USP45: variants seen among roughly 807,000 people sequenced by gnomAD.
The protein encoded by USP45 is ubiquitin carboxyl-terminal hydrolase 45.
Under a neutral mutation model 95.8 loss-of-function variants are expected in USP45, and 89 were observed. The ratio of observed to expected loss-of-function variants is 0.93; its 90% CI spans 0.78 to 1.11. The LOEUF is 1.11. Ranked by LOEUF, USP45 falls within the 50% of genes least tolerant of loss-of-function variation. The pLI is 0.00. For missense variants in USP45, 898 were observed against 942.5 expected (o/e 0.95, Z 0.62); for synonymous variants, 281 against 316.2 (o/e 0.89, Z 1.18).
intron 7 of USP45, among the ~76,000 whole-genome samples, chr6:99,483,614 G>A (rs1284781683): frequency 6.6e-6 from 1 of 151,800 alleles, no homozygotes; most frequent in African/African-American, 2.4e-5. Context: ...CGAGGCGGGT[G>A]GATCATGAGG....
intron 1 of USP45, among the ~76,000 whole-genome samples, chr6:99,513,911 T>C (rs1015531446): frequency 4.6e-5 from 7 of 152,238 alleles, no homozygotes. Context: ...CTGGGAAGGA[T>C]GGGAGTGGGG....
chr6:99,447,505 T>C (rs1782788949), intron 13 of USP45, among the ~76,000 whole-genome samples: 1 of 152,152 alleles, frequency 6.6e-6, no homozygotes, highest in South Asian at 2.1e-4. Flanking sequence ...TTTCCTATTA[T>C]ACATATAATA....
At chr6:99,440,340 CAGTAAA>C (rs1438773069) in intron 15 of USP45, among the ~76,000 whole-genome samples, 1 of 152,142 alleles carries the variant, frequency 6.6e-6, no homozygotes, top group Non-Finnish European at 1.5e-5. Flanking sequence ...AACATTTTAT[CAGTAAA>C]AGTAAATGCT....
intron 5 of USP45, among the ~76,000 whole-genome samples, chr6:99,494,306 G>A (rs964976539): frequency 6.6e-6 from 1 of 152,104 alleles, no homozygotes; most frequent in African/African-American, 2.4e-5. Flanking sequence ...AACATTGAGA[G>A]CACACTTTCG....
At chr6:99,480,929 CAAAA>C (rs202203152) in intron 8 of USP45, among the ~76,000 whole-genome samples, 12 of 151,592 alleles carry the variant, frequency 7.9e-5, no homozygotes, top group Non-Finnish European at 1.6e-4. Flanking sequence ...ATAAAACAAA[CAAAA>C]AAAAGGCAAT....
At chr6:99,501,910 G>C in intron 5 of USP45, 1 of 1,283,194 alleles carries the variant, frequency 7.8e-7, no homozygotes, top group South Asian at 1.3e-5. Context: ...TTCATGATGG[G>C]TCCCTCAGGC....
intron 13 of USP45, among the ~76,000 whole-genome samples, chr6:99,455,819 TAAAAA>T (rs35285232): frequency 4.5e-5 from 2 of 44,338 alleles, no homozygotes; most frequent in Non-Finnish European, 7.4e-5. Flanking sequence ...ATGTGAGAGC[TAAAAA>T]AAAAAAAAAA....
chr6:99,434,125 C>A lies in USP45; in HGVS notation c.*1591G>T, dbSNP rs772794106. On this transcript the variant is annotated 3_prime_UTR_variant, in exon 18 of 18. Coordinates refer to ENST00000500704, the MANE Select transcript of USP45 (RefSeq NM_001346022.3). ...TCACTGTTAAAAATCAAGAAAAACACTACTAACATTTCAACATCTTAAAAA... is the reference window on the plus strand; with the variant it reads ...TCACTGTTAAAAATCAAGAAAAACAATACTAACATTTCAACATCTTAAAAA... 10 of 152,198 alleles carry A rather than the reference C, an allele frequency of 6.6e-5. No individual in the cohort carries two copies. Among genetic ancestry groups the A allele is most frequent in the Non-Finnish European group, 1.2e-4 (8 of 68,024 alleles). The allele number at this position is 152,198 out of a possible 1,614,324, so 9.4% of individuals were successfully genotyped here.
chr6:99,453,738 C>T (rs544794416), intron 13 of USP45, among the ~76,000 whole-genome samples: 21 of 152,058 alleles, frequency 1.4e-4, no homozygotes, highest in Non-Finnish European at 2.9e-4. Context: ...GTAGATAGAT[C>T]AACTAAGGCC....
intron 9 of USP45, among the ~76,000 whole-genome samples, chr6:99,474,004 G>A (rs1319498866): frequency 6.6e-6 from 1 of 152,120 alleles, no homozygotes; most frequent in Non-Finnish European, 1.5e-5. Flanking sequence ...AATTCAATTA[G>A]CTTAATAAGA....
chr6:99,437,918 A>G (rs1780808260), intron 16 of USP45, among the ~76,000 whole-genome samples: 1 of 152,150 alleles, frequency 6.6e-6, no homozygotes, highest in African/African-American at 2.4e-5. Context: ...TTGGCCTCCC[A>G]AAGCGCTGGG....
chr6:99,517,012 A>C (rs527603941), upstream of USP45, among the ~76,000 whole-genome samples: 2 of 152,210 alleles, frequency 1.3e-5, no homozygotes, highest in Admixed American at 1.3e-4. Context: ...ATTCAAAGCT[A>C]TCTTGATTTC....
intron 7 of USP45, among the ~76,000 whole-genome samples, chr6:99,486,206 G>A (rs1385555313): frequency 5.3e-5 from 8 of 152,076 alleles, no homozygotes; most frequent in African/African-American, 1.9e-4. Context: ...GTGATTCAAA[G>A]GGCAGTAACC....
intron 4 of USP45, among the ~76,000 whole-genome samples, chr6:99,506,716 G>C (rs958513656): frequency 1.3e-5 from 2 of 152,250 alleles, no homozygotes; most frequent in Non-Finnish European, 2.9e-5. Flanking sequence ...TCTCAACCAG[G>C]ATTAAACAGC....
rs545050524 is a variant in USP45 at position 99,475,528 on chromosome 6, C to T, written c.933+615G>A. ...ACAGGGTTTCAGCATGTTTCCCAGG[C>T]TGATCTTGAACTCCTGACCTCAGGT... On this transcript the variant is annotated intron_variant, in intron 9 of 17. Coordinates refer to ENST00000500704, the MANE Select transcript of USP45 (RefSeq NM_001346022.3). Among the ~76,000 whole-genome samples, 3 of 152,134 alleles carry T rather than the reference C, an allele frequency of 2.0e-5. No homozygotes were observed. The South Asian group carries it at 6.2e-4, about 32-fold the overall frequency.
intron 13 of USP45, among the ~76,000 whole-genome samples, chr6:99,459,866 G>A (rs546203102): frequency 2.6e-5 from 4 of 152,134 alleles, no homozygotes; most frequent in Non-Finnish European, 5.9e-5. Flanking sequence ...AAATGGTGGT[G>A]GGGAATAGGG....
intron 13 of USP45, chr6:99,462,501 A>G: frequency 2.0e-6 from 2 of 985,130 alleles, no homozygotes; most frequent in Non-Finnish European, 2.4e-6. Context: ...TAGCAACACA[A>G]TTAATGCTTT....
chr6:99,476,177 T>A lies in USP45; in HGVS notation c.899A>T (p.Tyr300Phe). ...QQQDSQELLH[Y>F]LLDAVRTEET... ...TTCTGTCCTCACTGCATCCAGAAGA[T>A]AATGAAGAAGCTCCTGACTGTCCTG... The change falls in exon 9 of 18, where the codon TAT becomes TTT. Residue 300 changes from tyrosine to phenylalanine, a missense_variant. By Grantham distance (22) the Tyr-to-Phe change is conservative. Transcript: ENST00000500704. 1 of 1,614,050 alleles carries A rather than the reference T, an allele frequency of 6.2e-7. No individual in the cohort carries two copies. The highest frequency in any genetic ancestry group is 1.1e-5 in the South Asian group (1 of 91,090).
chr6:99,503,942 A>T, intron 4 of USP45, 77 bp from the exon 5 acceptor site: 2 of 1,051,278 alleles, frequency 1.9e-6, no homozygotes, highest in Non-Finnish European at 2.7e-6. Context: ...CAAAGTTGGT[A>T]TTTAGTTACT....
Sources: allele counts gnomAD v4.1 joint callset (sites outside exome capture counted in the v4.1 genomes callset), GRCh38; gene constraint gnomAD v4.1.1; transcripts MANE v1.5; gene names NCBI Gene and HGNC (gene_info 2026-07-23, HGNC 2026-07-21).